Variants in STK32B observed in about 807,000 individuals in gnomAD.
The protein encoded by STK32B is serine/threonine kinase 32B, also known as serine/threonine-protein kinase 32B.
STK32B carries 43 observed loss-of-function variants against 52.6 expected under a neutral mutation model. The ratio of observed to expected loss-of-function variants is 0.82; its 90% CI spans 0.64 to 1.05. The LOEUF is 1.05. Ranked by LOEUF, STK32B falls within the 50% of genes least tolerant of loss-of-function variation. STK32B has a pLI of 0.00. For missense variants in STK32B, 621 were observed against 534.6 expected (o/e 1.16, Z -1.59); for synonymous variants, 238 against 204.3 (o/e 1.17, Z -1.41).
intron 11 of STK32B, among the ~76,000 whole-genome samples, chr4:5,485,540 C>G (rs1368488650): frequency 6.6e-6 from 1 of 152,134 alleles, no homozygotes; most frequent in African/African-American, 2.4e-5. Flanking sequence ...AAACTTCCTC[C>G]TTTAGCTCGG....
chr4:5,279,956 TCTAGGCCTCCA>T (rs1449533403), intron 3 of STK32B, among the ~76,000 whole-genome samples: 5 of 152,170 alleles, frequency 3.3e-5, no homozygotes, highest in Non-Finnish European at 5.9e-5. Context: ...ACATTTTCCT[TCTAGGCCTCCA>T]GGCTTGTGAT....
At chr4:5,424,090 G>A (rs1712870041) in intron 6 of STK32B, among the ~76,000 whole-genome samples, 2 of 152,144 alleles carry the variant, frequency 1.3e-5, no homozygotes, top group South Asian at 4.1e-4. Context: ...GAGTGGGGTT[G>A]TGGCCAAGCC....
rs549592044 is a variant in STK32B at position 5,212,125 on chromosome 4, T to A, written c.260+43675T>A. On this transcript the variant is annotated intron_variant, in intron 3 of 11. Coordinates refer to ENST00000282908, the MANE Select transcript of STK32B (RefSeq NM_018401.3). ...TGGTCTTTTTACTTACTAATCTTTA[T>A]TAAGCATTTACTGTGTGTCAGGGAC... Among the ~76,000 whole-genome samples the A allele has an allele frequency of 2.6e-5, 4 of 152,344 alleles. No individual in the cohort carries two copies. In the South Asian group the frequency reaches 8.3e-4, roughly 32 times the overall value.
At position 5,277,749 on chromosome 4, in the gene STK32B, A is replaced by AT. The variant is rs200081181; in HGVS notation, c.261-53465dup. Among the ~76,000 whole-genome samples the AT allele has an allele frequency of 5.4e-3, 822 of 152,218 alleles. 8 individuals carry two copies. The highest frequency in any genetic ancestry group is 0.02 in the Middle Eastern group (6 of 294). On this transcript the variant is annotated intron_variant, in intron 3 of 11. Coordinates refer to ENST00000282908, the MANE Select transcript of STK32B (RefSeq NM_018401.3). ...GATTCTTTAAGAGCCTTTACATTTT[A>AT]TTTTTTCTTTCATATCTGAAATGGT...
rs1261998372 is a variant in STK32B at position 5,317,517 on chromosome 4, ATT to A, written c.261-13701_261-13700del. Among the ~76,000 whole-genome samples the A allele has an allele frequency of 1.7e-4, 18 of 105,436 alleles. 1 individual carries two copies. The South Asian group carries it at 2.0e-3, about 12-fold the overall frequency. 69.2% of individuals were successfully genotyped at this position (105,436 alleles called of 152,430 possible). ...AATATATATTATATATGTATAATATATTTATTATATATATATTACATGTATAT... is the reference window on the plus strand; with the variant it reads ...AATATATATTATATATGTATAATATATATTATATATATATTACATGTATAT... On this transcript the variant is annotated intron_variant, in intron 3 of 11. Coordinates refer to ENST00000282908, the MANE Select transcript of STK32B (RefSeq NM_018401.3).
intron 3 of STK32B, among the ~76,000 whole-genome samples, chr4:5,182,724 G>T (rs1279842666): frequency 6.6e-6 from 1 of 152,130 alleles, no homozygotes; most frequent in African/African-American, 2.4e-5. Context: ...CTCTCAAAGT[G>T]CTGGGATTAC....
rs1720373033 is a variant in STK32B, at chr4:5,497,433, A to T, written c.1107-1512A>T. ...ATCACCAAGGCCTCAACCCGAAGGG[A>T]GCCTCCCAGCTCTGTCCTCTGGTTC... On this transcript the variant is annotated intron_variant, in intron 11 of 11. Transcript: ENST00000282908. 5.3e-5 allele frequency among the ~76,000 whole-genome samples: 8 copies of T among 152,330 alleles called. No individual in the cohort carries two copies. In the South Asian group the frequency reaches 1.2e-3, roughly 24 times the overall value.
intron 1 of STK32B, among the ~76,000 whole-genome samples, chr4:5,055,755 C>T (rs1741979489): frequency 6.6e-6 from 1 of 152,064 alleles, no homozygotes; most frequent in African/African-American, 2.4e-5. Context: ...AGGGCATCTC[C>T]CCCCCAGCCC....
intron 4 of STK32B, among the ~76,000 whole-genome samples, chr4:5,366,878 C>A (rs1734912027): frequency 6.6e-6 from 1 of 152,106 alleles, no homozygotes; most frequent in African/African-American, 2.4e-5. Flanking sequence ...ATCCTGTGTA[C>A]CTTCTCATAT....
chr4:5,497,604 A>G (rs986693466), intron 11 of STK32B, among the ~76,000 whole-genome samples: 6 of 152,162 alleles, frequency 3.9e-5, no homozygotes, highest in African/African-American at 1.4e-4. Flanking sequence ...GGAATGACCA[A>G]TTCGCTGTCT....
intron 1 of STK32B, among the ~76,000 whole-genome samples, chr4:5,052,310 G>T (rs965159125): frequency 1.1e-4 from 17 of 152,136 alleles, no homozygotes; most frequent in Non-Finnish European, 8.8e-5. Context: ...CTGGAAGGGC[G>T]GGTTGCACCG....
chr4:5,384,035 A>G (rs1736094822), intron 4 of STK32B, among the ~76,000 whole-genome samples: 1 of 152,174 alleles, frequency 6.6e-6, no homozygotes, highest in Non-Finnish European at 1.5e-5. Flanking sequence ...TCCTGTGCAC[A>G]TCTAGGGAAT....
intron 3 of STK32B, among the ~76,000 whole-genome samples, chr4:5,194,283 T>A (rs1202731958): frequency 6.6e-6 from 1 of 152,230 alleles, no homozygotes; most frequent in Non-Finnish European, 1.5e-5. Context: ...AAGCATTTGA[T>A]CATATGTATG....
chr4:5,491,833 G>T (rs1349926315), intron 11 of STK32B, among the ~76,000 whole-genome samples: 7 of 152,068 alleles, frequency 4.6e-5, no homozygotes, highest in Non-Finnish European at 1.0e-4. Context: ...TATTAAATAG[G>T]GAATCCTTTC....
intron 3 of STK32B, among the ~76,000 whole-genome samples, chr4:5,287,238 G>A (rs915306779): frequency 6.6e-6 from 1 of 152,162 alleles, no homozygotes. Flanking sequence ...AGTGAATGAG[G>A]CAACAGAATT....
chr4:5,199,447 T>C (rs892764419), intron 3 of STK32B, among the ~76,000 whole-genome samples: 4 of 152,334 alleles, frequency 2.6e-5, no homozygotes, highest in Non-Finnish European at 5.9e-5. Flanking sequence ...CTTTGAACTG[T>C]TGCCTTCAAT....
intron 3 of STK32B, among the ~76,000 whole-genome samples, chr4:5,193,139 GATA>G (rs1206510985): frequency 6.6e-6 from 1 of 152,112 alleles, no homozygotes; most frequent in East Asian, 1.9e-4. Flanking sequence ...GTGACGAGGT[GATA>G]GCTCCGGGGT....
chr4:5,187,140 T>G (rs11936083), intron 3 of STK32B, among the ~76,000 whole-genome samples: 7,244 of 152,236 alleles, frequency 0.048, 562 homozygotes, highest in African/African-American at 0.16. Context: ...AGAGAAGCCA[T>G]GGGGTTTACC....
rs377416047 is a variant in STK32B at position 5,426,387 on chromosome 4, T to A, written c.562+9453T>A. On this transcript the variant is annotated intron_variant, in intron 6 of 11. Coordinates refer to ENST00000282908, the MANE Select transcript of STK32B (RefSeq NM_018401.3). ...TATATTTTCTGTGTGGAATATATGT[T>A]CAAATCATTTGCCTGTTAATTTATT... Among the ~76,000 whole-genome samples, 14 of 152,264 alleles carry A rather than the reference T, an allele frequency of 9.2e-5. 1 individual carries two copies. In the South Asian group the frequency reaches 1.9e-3, roughly 20 times the overall value.
Sources: allele counts gnomAD v4.1 joint callset (sites outside exome capture counted in the v4.1 genomes callset), GRCh38; gene constraint gnomAD v4.1.1; transcripts MANE v1.5; gene names NCBI Gene and HGNC (gene_info 2026-07-23, HGNC 2026-07-21).